The following TBC1D1 variants were observed in gnomAD, a reference collection of about 807,000 sequenced individuals.
TBC1D1 encodes the protein TBC1 (tre-2/USP6, BUB2, cdc16) domain family, member 1.
TBC1D1 carries 89 observed loss-of-function variants against 125.6 expected under a neutral mutation model. The ratio of observed to expected loss-of-function variants is 0.71; its 90% CI spans 0.60 to 0.85. TBC1D1 has a LOEUF of 0.85. Among genes scored for constraint, TBC1D1 ranks in the 40% least tolerant of loss-of-function variants. The probability of loss-of-function intolerance (pLI) is 0.00; values close to 1 mark genes in which losing one functional copy is unlikely to be tolerated. For synonymous variants in TBC1D1, 565 were observed against 564.1 expected (o/e 1.00, Z -0.02); for missense variants, 1,377 against 1,469.2 (o/e 0.94, Z 1.03).
At chr4:38,058,696 T>C (rs1752206888) in intron 12 of TBC1D1, among the ~76,000 whole-genome samples, 1 of 152,244 alleles carries the variant, frequency 6.6e-6, no homozygotes, top group Non-Finnish European at 1.5e-5. Flanking sequence ...CAGGGATGTT[T>C]ATACAGTTCC....
chr4:38,066,968 C>G (rs899152621), intron 12 of TBC1D1, among the ~76,000 whole-genome samples: 14 of 152,048 alleles, frequency 9.2e-5, no homozygotes, highest in Non-Finnish European at 2.9e-5. Context: ...CCTCCGCCTC[C>G]TGGGTTCAAG....
chr4:38,096,296 C>T (rs894175191), intron 14 of TBC1D1, among the ~76,000 whole-genome samples: 8 of 151,984 alleles, frequency 5.3e-5, no homozygotes, highest in Non-Finnish European at 1.2e-4. Context: ...CCCAGAAGGC[C>T]GGGAAATAGG....
At chr4:38,130,843 G>T (rs1765470814) in intron 18 of TBC1D1, among the ~76,000 whole-genome samples, 1 of 152,228 alleles carries the variant, frequency 6.6e-6, no homozygotes, top group African/African-American at 2.4e-5. Flanking sequence ...AAAGGATTGG[G>T]TTTTTAATGT....
At chr4:37,957,551 C>A (rs987541527) in intron 2 of TBC1D1, among the ~76,000 whole-genome samples, 1 of 151,964 alleles carries the variant, frequency 6.6e-6, no homozygotes, top group South Asian at 2.1e-4. Context: ...CCTAAGAGTT[C>A]GAGGCTACAG....
At chr4:38,011,164 C>T (rs568930098) in intron 2 of TBC1D1, among the ~76,000 whole-genome samples, 7 of 152,046 alleles carry the variant, frequency 4.6e-5, no homozygotes, top group Admixed American at 1.3e-4. Flanking sequence ...CCAGCCTGAC[C>T]GACAAGGAGA....
In TBC1D1 at chr4:38,103,168, G is replaced by A. The variant is rs768089890; in HGVS notation, c.2557+11G>A. 6.2e-7 allele frequency: 1 copy of A among 1,600,714 alleles called. No homozygotes were observed. Among genetic ancestry groups the A allele is most frequent in the Non-Finnish European group, 8.5e-7 (1 of 1,174,522 alleles). Reference sequence around the variant, plus strand: ...TTCTTATTGACCTTGGTAAGTCTGTGCCATCGATTGGAGATGACAATGGAA... The same window carrying A: ...TTCTTATTGACCTTGGTAAGTCTGTACCATCGATTGGAGATGACAATGGAA... On this transcript the variant is annotated intron_variant, in intron 15 of 19. Transcript: ENST00000261439.
At chr4:38,006,298 T>C (rs1740153957) in intron 2 of TBC1D1, among the ~76,000 whole-genome samples, 1 of 152,046 alleles carries the variant, frequency 6.6e-6, no homozygotes, top group African/African-American at 2.4e-5. Flanking sequence ...ACAGTTAAAG[T>C]GTGTTCAAGA....
At chr4:37,998,945 T>G (rs373124244) in intron 2 of TBC1D1, among the ~76,000 whole-genome samples, 18 of 152,266 alleles carry the variant, frequency 1.2e-4, no homozygotes, top group African/African-American at 3.1e-4. Flanking sequence ...TTAGGTAAAG[T>G]TAGAAAGTGA....
At chr4:37,959,356 C>A (rs1729531109) in intron 2 of TBC1D1, among the ~76,000 whole-genome samples, 1 of 152,126 alleles carries the variant, frequency 6.6e-6, no homozygotes, top group African/African-American at 2.4e-5. Flanking sequence ...TAAGAAAAAT[C>A]ATAAGGAAGA....
intron 12 of TBC1D1, among the ~76,000 whole-genome samples, chr4:38,076,160 A>G (rs564976283): frequency 2.0e-5 from 3 of 152,180 alleles, no homozygotes; most frequent in Admixed American, 6.5e-5. Context: ...GAAACTTACA[A>G]TCGTGGTGGA....
chr4:38,014,473 G>A lies in TBC1D1; in HGVS notation c.418-36G>A. On this transcript the variant is annotated intron_variant, in intron 2 of 19. Transcript: ENST00000261439. The surrounding 1 kb of genome is among the most constrained non-coding windows in gnomAD (Gnocchi z 5.1). ...TCATTCCGTGAGTGCCAGCCACACT[G>A]CATGTTCCAAATAACACGCCTCTCT... 1 of 1,593,660 alleles carries A rather than the reference G, an allele frequency of 6.3e-7. No individual in the cohort carries two copies. The highest frequency in any genetic ancestry group is 8.6e-7 in the Non-Finnish European group (1 of 1,164,724).
chr4:38,057,452 A>G (rs929071834), intron 12 of TBC1D1, among the ~76,000 whole-genome samples: 3 of 152,160 alleles, frequency 2.0e-5, no homozygotes. Context: ...TGCTAAAGGC[A>G]GGCAAGTCAG....
chr4:37,910,858 ATGT>A (rs1355884772), intron 2 of TBC1D1, among the ~76,000 whole-genome samples: 23 of 152,214 alleles, frequency 1.5e-4, no homozygotes, highest in African/African-American at 4.8e-4. Flanking sequence ...ATTTATCCTG[ATGT>A]TGTTGTTACA....
intron 2 of TBC1D1, among the ~76,000 whole-genome samples, chr4:37,985,314 A>G (rs574017781): frequency 1.7e-4 from 26 of 152,134 alleles, no homozygotes; most frequent in Non-Finnish European, 3.1e-4. Context: ...TAAAATTTCT[A>G]TGATTTCTGA....
intron 2 of TBC1D1, among the ~76,000 whole-genome samples, chr4:37,993,091 A>C (rs1560583784): frequency 6.6e-6 from 1 of 152,184 alleles, no homozygotes; most frequent in Non-Finnish European, 1.5e-5. Context: ...GGCGTGAGCC[A>C]CCGCGCCCGG....
At position 37,960,690 on chromosome 4, in the gene TBC1D1, C is replaced by A. The variant is rs1420500431; in HGVS notation, c.418-53819C>A. ...CAATGGACCCAGAAAACAAAAACAG[C>A]CAAGCTTTTCTGCCAAAAAGATGAC... is the stretch of plus-strand genomic sequence containing the variant. On this transcript the variant is annotated intron_variant, in intron 2 of 19. Coordinates refer to ENST00000261439, the MANE Select transcript of TBC1D1 (RefSeq NM_015173.4). The A allele has an allele frequency of 1.1e-5, 17 of 1,614,066 alleles. No individual in the cohort carries two copies. The highest frequency in any genetic ancestry group is 4.2e-6 in the Non-Finnish European group (5 of 1,180,042).
At chr4:37,910,508 T>C (rs1328977760) in intron 2 of TBC1D1, among the ~76,000 whole-genome samples, 2 of 152,212 alleles carry the variant, frequency 1.3e-5, no homozygotes, top group African/African-American at 4.8e-5. Context: ...TTAATTTTAC[T>C]TATTTCATTT....
chr4:38,074,417 T>G (rs1755219516), intron 12 of TBC1D1, among the ~76,000 whole-genome samples: 1 of 152,202 alleles, frequency 6.6e-6, no homozygotes, highest in Admixed American at 6.5e-5. Flanking sequence ...CGTGGCCATC[T>G]GAGCACACAA....
chr4:38,028,810 G>A (rs1181795942), intron 7 of TBC1D1, among the ~76,000 whole-genome samples: 1 of 152,202 alleles, frequency 6.6e-6, no homozygotes, highest in Non-Finnish European at 1.5e-5. Flanking sequence ...ACCTAAGTGT[G>A]GGAGTCGAAT....
Sources: gnomAD v4.1 joint callset for allele counts (sites outside exome capture counted in the v4.1 genomes callset) on GRCh38, gnomAD v4.1.1 for gene constraint, Gnocchi (gnomAD v3.1) non-coding constraint, MANE v1.5 for transcripts, NCBI Gene and HGNC (gene_info 2026-07-23, HGNC 2026-07-21) for gene names.